STX7: variants seen among roughly 807,000 people sequenced by gnomAD.
STX7 encodes syntaxin 7, also known as syntaxin-7.
STX7 carries 34 observed loss-of-function variants against 39.6 expected under a neutral mutation model. The observed-to-expected ratio is 0.86, with a 90% CI of 0.65 to 1.14. The LOEUF (loss-of-function observed/expected upper bound fraction) is 1.14, where lower values mean the gene tolerates loss of function less well. STX7 is among the 50% of genes most tolerant of loss of function. The pLI, the probability that STX7 is intolerant of heterozygous loss-of-function variation, is 0.00. For missense variants in STX7, 284 were observed against 310.4 expected, an observed-to-expected ratio of 0.92 and a Z score of 0.64; for synonymous variants, 119 against 99.1, an observed-to-expected ratio of 1.20 and a Z score of -1.19.
intron 3 of STX7, among the ~76,000 whole-genome samples, chr6:132,473,604 C>T (rs1432873387): frequency 7.0e-6 from 1 of 143,578 alleles, no homozygotes; most frequent in African/African-American, 2.6e-5. Flanking sequence ...GTGCTGACTA[C>T]ATATCCATAT....
chr6:132,478,198 A>G (rs1774921858), intron 2 of STX7, among the ~76,000 whole-genome samples: 1 of 152,078 alleles, frequency 6.6e-6, no homozygotes, highest in South Asian at 2.1e-4. Context: ...TAATAAAAAA[A>G]AAGAAAAATG....
At position 132,486,855 on chromosome 6, in the gene STX7, C is replaced by G. The variant is rs1372663873; in HGVS notation, c.86-11193G>C. ...TAATTTTTTGTACTTTTAGTAGAGA[C>G]AGAGTTTCACCATATTGGCCAGGCT... On this transcript the variant is annotated intron_variant, in intron 2 of 9. Coordinates refer to ENST00000367941, the MANE Select transcript of STX7 (RefSeq NM_003569.3). Among the ~76,000 whole-genome samples the G allele has an allele frequency of 3.9e-5, 6 of 151,968 alleles. No individual in the cohort carries two copies. The East Asian group carries it at 1.2e-3, about 29-fold the overall frequency.
At position 132,458,692 on chromosome 6, in the gene STX7, G is replaced by A. The variant is rs774449999; in HGVS notation, c.*2066C>T. 1 of 152,072 alleles carries A rather than the reference G, an allele frequency of 6.6e-6. No homozygotes were observed. Among genetic ancestry groups the A allele is most frequent in the Non-Finnish European group, 1.5e-5 (1 of 68,004 alleles). 9.4% of individuals were successfully genotyped at this position (152,072 alleles called of 1,614,324 possible). A position where few individuals can be genotyped will look rare whatever the true frequency, so the allele number is the denominator to read the frequency against. On this transcript the variant is annotated 3_prime_UTR_variant, in exon 10 of 10. Transcript: ENST00000367941. ...TTAAAAAATTTGGCTACCATACTAT[G>A]TTTCTTATTTAATTTTCTCTAATCA...
chr6:132,490,786 C>T (rs913954451), intron 2 of STX7, among the ~76,000 whole-genome samples: 1 of 152,116 alleles, frequency 6.6e-6, no homozygotes, highest in Non-Finnish European at 1.5e-5. Context: ...GGAACAGATT[C>T]AGGAGGCCAT....
At chr6:132,465,208 C>A (rs1437449273) in intron 8 of STX7, among the ~76,000 whole-genome samples, 1 of 152,166 alleles carries the variant, frequency 6.6e-6, no homozygotes, top group Non-Finnish European at 1.5e-5. Context: ...TTTCCATGGT[C>A]ACATCCCAAA....
At chr6:132,492,973 G>A (rs1311905673) in intron 2 of STX7, among the ~76,000 whole-genome samples, 2 of 152,152 alleles carry the variant, frequency 1.3e-5, no homozygotes, top group Non-Finnish European at 2.9e-5. Context: ...TCACAAATAA[G>A]CAGGCCTTGG....
Position 132,445,903 on chromosome 6 carries a change from A to C in STX7, c.*14855T>G, listed in dbSNP as rs992263594. On this transcript the variant is annotated 3_prime_UTR_variant, in exon 10 of 10. Coordinates refer to ENST00000367941, the MANE Select transcript of STX7 (RefSeq NM_003569.3). ...GTATTCAGAGTTTTATAACATTTTG[A>C]AAAAGTAAATTTTCTTTTGAAGATT... 9.8e-5 allele frequency: 15 copies of C among 152,344 alleles called. No homozygotes were observed. The East Asian group carries it at 2.3e-3, about 23-fold the overall frequency. The allele number at this position is 152,344 out of a possible 1,614,324, so 9.4% of individuals were successfully genotyped here.
At chr6:132,472,137 G>T in intron 4 of STX7, 145 bp downstream of exon 4, 1 of 633,738 alleles carries the variant, frequency 1.6e-6, no homozygotes, top group Non-Finnish European at 2.6e-6. Flanking sequence ...ATAGTTTTGT[G>T]TTCTGTGAAC....
intron 2 of STX7, among the ~76,000 whole-genome samples, chr6:132,478,211 C>T (rs1046749267): frequency 1.3e-5 from 2 of 151,372 alleles, no homozygotes; most frequent in African/African-American, 4.9e-5. Context: ...GAAAAATGGG[C>T]CAAGAATAGG....
intron 2 of STX7, 52 bp from the exon 3 acceptor site, chr6:132,475,714 G>T: frequency 7.5e-7 from 1 of 1,336,794 alleles, no homozygotes; most frequent in Non-Finnish European, 1.0e-6. Flanking sequence ...TAAGGTAACA[G>T]AAAGAGTTAA....
Position 132,452,095 on chromosome 6 carries a change from A to G in STX7, c.*8663T>C, listed in dbSNP as rs1182273862. On this transcript the variant is annotated 3_prime_UTR_variant, in exon 10 of 10. Coordinates refer to ENST00000367941, the MANE Select transcript of STX7 (RefSeq NM_003569.3). Reference sequence around the variant, plus strand: ...ACAATGGCTCAACATTCAAAAATCAATCAATGTATCTACCACATGAATGGG... The same window carrying G: ...ACAATGGCTCAACATTCAAAAATCAGTCAATGTATCTACCACATGAATGGG... 6.6e-6 allele frequency: 1 copy of G among 152,238 alleles called. No individual in the cohort carries two copies. Among genetic ancestry groups the G allele is most frequent in the Non-Finnish European group, 1.5e-5 (1 of 68,032 alleles). 9.4% of individuals were successfully genotyped at this position (152,238 alleles called of 1,614,324 possible). A position where few individuals can be genotyped will look rare whatever the true frequency, so the allele number is the denominator to read the frequency against.
chr6:132,489,988 G>A (rs1775236607), intron 2 of STX7, among the ~76,000 whole-genome samples: 1 of 152,174 alleles, frequency 6.6e-6, no homozygotes, highest in South Asian at 2.1e-4. Context: ...ACTTCTAGAT[G>A]GCTGGAACAT....
chr6:132,484,439 CATA>C (rs1775081595), intron 2 of STX7, among the ~76,000 whole-genome samples: 1 of 152,154 alleles, frequency 6.6e-6, no homozygotes, highest in Non-Finnish European at 1.5e-5. Flanking sequence ...GCTATTAATA[CATA>C]ATGTTACCAC....
At position 132,446,462 on chromosome 6, in the gene STX7, A is replaced by G. The variant is rs1261789341; in HGVS notation, c.*14296T>C. On this transcript the variant is annotated 3_prime_UTR_variant, in exon 10 of 10. Coordinates refer to ENST00000367941, the MANE Select transcript of STX7 (RefSeq NM_003569.3). ...TGGGAAAACAAAAGTCTTCCTAGAT[A>G]CAAGAATGAGGTTTTAAGAGATAAT... 1 of 152,222 alleles carries G rather than the reference A, an allele frequency of 6.6e-6. No homozygotes were observed. Among genetic ancestry groups the G allele is most frequent in the Non-Finnish European group, 1.5e-5 (1 of 68,036 alleles). 9.4% of individuals were successfully genotyped at this position (152,222 alleles called of 1,614,324 possible). A position where few individuals can be genotyped will look rare whatever the true frequency, so the allele number is the denominator to read the frequency against.
At chr6:132,478,770 G>A (rs1774939432) in intron 2 of STX7, among the ~76,000 whole-genome samples, 1 of 152,160 alleles carries the variant, frequency 6.6e-6, no homozygotes, top group Admixed American at 6.5e-5. Context: ...GTATATACCT[G>A]CTTATATGGC....
chr6:132,482,519 A>G (rs944147994), intron 2 of STX7, among the ~76,000 whole-genome samples: 1 of 152,242 alleles, frequency 6.6e-6, no homozygotes, highest in Non-Finnish European at 1.5e-5. Context: ...TACAAGAGCT[A>G]GGGTTAGAAT....
chr6:132,489,226 G>A (rs4554337), intron 2 of STX7, among the ~76,000 whole-genome samples: 2,650 of 86,008 alleles, frequency 0.031, 85 homozygotes, highest in African/African-American at 0.087. Context: ...AAAAAAAAAA[G>A]GATGATATAT....
At chr6:132,509,485 A>G in intron 1 of STX7, among the ~76,000 whole-genome samples, 1 of 117,864 alleles carries the variant, frequency 8.5e-6, no homozygotes, top group African/African-American at 3.6e-5. Context: ...AACATAACAT[A>G]ACATAACATA....
rs1384944946 is a variant in STX7 at position 132,472,427 on chromosome 6, G to A, written c.156-52C>T. On this transcript the variant is annotated intron_variant, in intron 3 of 9. Coordinates refer to ENST00000367941, the MANE Select transcript of STX7 (RefSeq NM_003569.3). ...CCAAAGGACTAATATACTTCTTTAA[G>A]CTTCAACTCTGCCTTTTGAATCAAC... The A allele has an allele frequency of 2.9e-6, 4 of 1,373,444 alleles. No homozygotes were observed. The African/African-American group carries it at 5.9e-5, about 20-fold the overall frequency. 85.1% of individuals were successfully genotyped at this position (1,373,444 alleles called of 1,614,324 possible). A position where few individuals can be genotyped will look rare whatever the true frequency, so the allele number is the denominator to read the frequency against.
Sources: allele counts gnomAD v4.1 joint callset (sites outside exome capture counted in the v4.1 genomes callset), GRCh38; gene constraint gnomAD v4.1.1; transcripts MANE v1.5; gene names NCBI Gene and HGNC (gene_info 2026-07-23, HGNC 2026-07-21).